Variants in ATP8A2 observed in about 807,000 individuals in gnomAD.
The protein encoded by ATP8A2 is ATPase phospholipid transporting 8A2, also known as phospholipid-transporting ATPase IB.
Under a neutral mutation model 165.6 loss-of-function variants are expected in ATP8A2, and 100 were observed. That is an observed-to-expected ratio of 0.60 (90% CI 0.51 to 0.71). The LOEUF (loss-of-function observed/expected upper bound fraction) is 0.71. Among genes scored for constraint, ATP8A2 ranks in the 30% least tolerant of loss-of-function variants. ATP8A2 has a pLI of 0.00. For synonymous variants in ATP8A2, 543 were observed against 548.8 expected (o/e 0.99, Z 0.15); for missense variants, 1,227 against 1,479.5 (o/e 0.83, Z 2.80).
intron 35 of ATP8A2, among the ~76,000 whole-genome samples, chr13:26,008,773 A>G (rs1956790249): frequency 6.6e-6 from 1 of 152,246 alleles, no homozygotes; most frequent in Non-Finnish European, 1.5e-5. Context: ...TGAAGACAAG[A>G]AGAGATGGAA....
At chr13:25,547,586 A>G (rs2038691948) in intron 10 of ATP8A2, among the ~76,000 whole-genome samples, 1 of 152,172 alleles carries the variant, frequency 6.6e-6, no homozygotes, top group Non-Finnish European at 1.5e-5. Flanking sequence ...TTGTATAATT[A>G]TTTCACTACA....
At chr13:25,772,518 T>A (rs2044644086) in intron 26 of ATP8A2, among the ~76,000 whole-genome samples, 1 of 152,076 alleles carries the variant, frequency 6.6e-6, no homozygotes, top group Admixed American at 6.5e-5. Flanking sequence ...TTCTGCCACT[T>A]CGAAGCGATG....
At chr13:25,763,928 T>C (rs1008827397) in intron 25 of ATP8A2, among the ~76,000 whole-genome samples, 1 of 152,224 alleles carries the variant, frequency 6.6e-6, no homozygotes, top group Admixed American at 6.5e-5. Flanking sequence ...GACTCAAATA[T>C]CACATGTTTG....
rs1483776109 is a variant in ATP8A2 at position 25,811,329 on chromosome 13, C to T, written c.2680-16789C>T. Among the ~76,000 whole-genome samples the T allele has an allele frequency of 2.6e-5, 4 of 152,104 alleles. No individual in the cohort carries two copies. The East Asian group carries it at 7.7e-4, about 29-fold the overall frequency. On this transcript the variant is annotated intron_variant, in intron 27 of 36. Coordinates refer to ENST00000381655, the MANE Select transcript of ATP8A2 (RefSeq NM_016529.6). ...AGAAATGAAAACAGTACTAGCTAGT[C>T]AATGATTTATATAATGTCTTGGGAA...
intron 27 of ATP8A2, among the ~76,000 whole-genome samples, chr13:25,778,597 A>G (rs756660361): frequency 2.0e-5 from 3 of 152,224 alleles, no homozygotes; most frequent in Admixed American, 6.5e-5. Context: ...TTTCTGAAAC[A>G]TACGTCTGAT....
intron 33 of ATP8A2, among the ~76,000 whole-genome samples, chr13:25,909,583 T>C (rs1245978210): frequency 6.6e-6 from 1 of 152,220 alleles, no homozygotes; most frequent in African/African-American, 2.4e-5. Flanking sequence ...CAATATTTAC[T>C]TCCTTGAAAA....
At chr13:25,929,489 G>A (rs560708250) in intron 33 of ATP8A2, among the ~76,000 whole-genome samples, 10 of 152,230 alleles carry the variant, frequency 6.6e-5, no homozygotes, top group South Asian at 2.1e-4. Context: ...ACTGTTTGCC[G>A]AATTTTTAGT....
chr13:25,856,180 C>T (rs1952160807), intron 30 of ATP8A2, among the ~76,000 whole-genome samples: 1 of 152,104 alleles, frequency 6.6e-6, no homozygotes. Flanking sequence ...TTTTTCTTTC[C>T]TCACTGTGCT....
Position 25,969,921 on chromosome 13 carries a change from C to T in ATP8A2, c.3377+1242C>T, listed in dbSNP as rs76961750. Reference sequence around the variant, plus strand: ...GAGGCTTGTTCAGGGCTGTTCTATCCATCAGACAGCTGAGGCATAAGGCTC... The same window carrying T: ...GAGGCTTGTTCAGGGCTGTTCTATCTATCAGACAGCTGAGGCATAAGGCTC... On this transcript the variant is annotated intron_variant, in intron 35 of 36. Coordinates refer to ENST00000381655, the MANE Select transcript of ATP8A2 (RefSeq NM_016529.6). Among the ~76,000 whole-genome samples, 506 of 152,176 alleles carry T rather than the reference C, an allele frequency of 3.3e-3. 3 individuals are homozygous for T. Among genetic ancestry groups the T allele is most frequent in the African/African-American group, 0.011 (463 of 41,514 alleles).
intron 18 of ATP8A2, 40 bp from the exon 19 acceptor site, chr13:25,574,768 A>G (rs1428399711): frequency 8.4e-7 from 1 of 1,189,164 alleles, no homozygotes; most frequent in Non-Finnish European, 1.3e-6. Context: ...AGATTTTAAT[A>G]CTTTGCACCT....
chr13:25,922,531 A>T (rs1954488444), intron 33 of ATP8A2, among the ~76,000 whole-genome samples: 1 of 152,208 alleles, frequency 6.6e-6, no homozygotes. Context: ...GTTTCCAGTC[A>T]GTGGGCAGGG....
chr13:25,585,614 G>T (rs1215673727), intron 23 of ATP8A2, among the ~76,000 whole-genome samples: 3 of 151,940 alleles, frequency 2.0e-5, no homozygotes, highest in African/African-American at 7.3e-5. Flanking sequence ...ACATTTTATT[G>T]TGTATAAGGT....
chr13:25,629,320 G>A (rs2137502796), intron 24 of ATP8A2, among the ~76,000 whole-genome samples: 1 of 152,064 alleles, frequency 6.6e-6, no homozygotes. Flanking sequence ...AAAGCATAGA[G>A]GTTTAAAATA....
At chr13:25,401,476 GTTTCC>G (rs1181432570) in intron 1 of ATP8A2, among the ~76,000 whole-genome samples, 1 of 152,082 alleles carries the variant, frequency 6.6e-6, no homozygotes, top group Non-Finnish European at 1.5e-5. Context: ...GAAGGCTCTT[GTTTCC>G]TTTAAGTGGC....
At chr13:25,693,870 G>A (rs1392798650) in intron 24 of ATP8A2, among the ~76,000 whole-genome samples, 1 of 150,730 alleles carries the variant, frequency 6.6e-6, no homozygotes, top group Non-Finnish European at 1.5e-5. Context: ...TTGGGTTTTT[G>A]TTGTTGTTGT....
At chr13:25,765,483 C>T (rs965932702) in intron 25 of ATP8A2, among the ~76,000 whole-genome samples, 1 of 152,086 alleles carries the variant, frequency 6.6e-6, no homozygotes, top group Non-Finnish European at 1.5e-5. Flanking sequence ...TGGAGTGGTG[C>T]CTCTTCATTT....
At chr13:25,431,454 A>C (rs2034609403) in intron 1 of ATP8A2, among the ~76,000 whole-genome samples, 1 of 152,144 alleles carries the variant, frequency 6.6e-6, no homozygotes, top group South Asian at 2.1e-4. Flanking sequence ...CGGCTTCTCT[A>C]AACAGATTTT....
intron 1 of ATP8A2, among the ~76,000 whole-genome samples, chr13:25,376,465 T>A (rs1283481871): frequency 2.0e-5 from 3 of 152,250 alleles, no homozygotes; most frequent in Admixed American, 6.5e-5. Flanking sequence ...CCCCAGAATT[T>A]AGGGTTAAAG....
intron 26 of ATP8A2, among the ~76,000 whole-genome samples, chr13:25,774,194 T>G (rs550567867): frequency 6.6e-6 from 1 of 152,184 alleles, no homozygotes; most frequent in East Asian, 1.9e-4. Flanking sequence ...ATAAAGAAAA[T>G]GCAATACACA....
Sources: gnomAD v4.1 joint callset for allele counts (sites outside exome capture counted in the v4.1 genomes callset) on GRCh38, gnomAD v4.1.1 for gene constraint, MANE v1.5 for transcripts, NCBI Gene and HGNC (gene_info 2026-07-23, HGNC 2026-07-21) for gene names.